The following SHCBP1L variants were observed in gnomAD, a reference collection of about 807,000 sequenced individuals.
SHCBP1L encodes testicular spindle-associated protein SHCBP1L.
Under a neutral mutation model 62.5 loss-of-function variants are expected in SHCBP1L, and 67 were observed. The observed-to-expected ratio is 1.07, with a 90% CI of 0.88 to 1.31. The LOEUF is 1.31. Among genes scored for constraint, SHCBP1L ranks in the 40% most tolerant of loss-of-function variants. The pLI is 0.00. For missense variants in SHCBP1L, 823 were observed against 809.8 expected, an observed-to-expected ratio of 1.02 and a Z score of -0.20; for synonymous variants, 284 against 289.4, an observed-to-expected ratio of 0.98 and a Z score of 0.19.
intron 5 of SHCBP1L, among the ~76,000 whole-genome samples, chr1:182,937,529 G>C (rs1035705566): frequency 6.6e-6 from 1 of 152,104 alleles, no homozygotes; most frequent in African/African-American, 2.4e-5. Flanking sequence ...GGTGTTCTCT[G>C]AGCTTTATGG....
rs527942334 is a variant in SHCBP1L at position 182,926,973 on chromosome 1, G to A, written c.1182+2674C>T. 2.0e-3 allele frequency among the ~76,000 whole-genome samples: 299 copies of A among 148,994 alleles called. 1 individual carries two copies. Among genetic ancestry groups the A allele is most frequent in the African/African-American group, 5.6e-3 (226 of 40,598 alleles). On this transcript the variant is annotated intron_variant, in intron 6 of 9. Transcript: ENST00000367547. ...CTACAGATGGGTTAAATAATTGGTT[G>A]AAAATCACCTAACTAGTAAGTGGCA...
intron 6 of SHCBP1L, among the ~76,000 whole-genome samples, chr1:182,924,935 GAAGAAAGAAAGAAAGA>G (rs71127327): frequency 1.1e-4 from 7 of 62,346 alleles, no homozygotes; most frequent in African/African-American, 5.5e-4. Context: ...AGGAAGGAAG[GAAGAAAGAAAGAAAGA>G]AAGAAAGAAA....
chr1:182,908,538 T>C (rs1383795569), intron 6 of SHCBP1L, among the ~76,000 whole-genome samples: 1 of 152,204 alleles, frequency 6.6e-6, no homozygotes, highest in Non-Finnish European at 1.5e-5. Flanking sequence ...CCTCGGTTGA[T>C]TCCCTGTCTT....
intron 5 of SHCBP1L, among the ~76,000 whole-genome samples, chr1:182,938,495 C>G (rs1024513036): frequency 6.8e-6 from 1 of 147,260 alleles, no homozygotes; most frequent in Non-Finnish European, 1.5e-5. Context: ...GGGTCTCGCT[C>G]TGTTGCCCAG....
rs369915471 is a variant in SHCBP1L at position 182,921,633 on chromosome 1, T to C, written c.1182+8014A>G. ...CAAGAAATCCATCTCAGGCAGGGCG[T>C]GGTGGCTCACACCTATAATCCCAGC... On this transcript the variant is annotated intron_variant, in intron 6 of 9. Coordinates refer to ENST00000367547, the MANE Select transcript of SHCBP1L (RefSeq NM_030933.4). 3.9e-5 allele frequency among the ~76,000 whole-genome samples: 6 copies of C among 152,274 alleles called. No individual in the cohort carries two copies. In the East Asian group the frequency reaches 1.2e-3, roughly 29 times the overall value.
At chr1:182,903,263 A>C in intron 8 of SHCBP1L, 102 bp from the exon 9 acceptor site, 1 of 987,412 alleles carries the variant, frequency 1.0e-6, no homozygotes, top group Non-Finnish European at 1.4e-6. Context: ...ACCACTATAA[A>C]CATTGAGTTA....
At chr1:182,905,465 T>TA (rs761753227) in intron 7 of SHCBP1L, 31 bp downstream of exon 7, 68 of 1,601,506 alleles carry the variant, frequency 4.2e-5, no homozygotes, top group Admixed American at 6.8e-5. Context: ...TACATTGCTG[T>TA]AAAAAAAACT....
intron 7 of SHCBP1L, among the ~76,000 whole-genome samples, chr1:182,905,196 A>T (rs531153806): frequency 7.6e-4 from 116 of 152,344 alleles, no homozygotes; most frequent in Non-Finnish European, 1.4e-3. Context: ...AGCATGTGAT[A>T]TTAGCCTTTT....
At chr1:182,906,344 T>C (rs1650012087) in intron 6 of SHCBP1L, among the ~76,000 whole-genome samples, 1 of 152,210 alleles carries the variant, frequency 6.6e-6, no homozygotes, top group Non-Finnish European at 1.5e-5. Flanking sequence ...CAGTTCAATA[T>C]GACACCAGAT....
intron 6 of SHCBP1L, among the ~76,000 whole-genome samples, chr1:182,925,342 A>T (rs1283231048): frequency 6.6e-6 from 1 of 152,196 alleles, no homozygotes; most frequent in African/African-American, 2.4e-5. Context: ...TAACAAGAAG[A>T]CAAACAACCC....
intron 6 of SHCBP1L, among the ~76,000 whole-genome samples, chr1:182,922,676 C>CA (rs1438514432): frequency 2.6e-5 from 4 of 151,698 alleles, no homozygotes; most frequent in Non-Finnish European, 5.9e-5. Context: ...ACACAGAAAT[C>CA]AAAAAATCAA....
chr1:182,909,357 A>C (rs1205536544), intron 6 of SHCBP1L, among the ~76,000 whole-genome samples: 1 of 152,214 alleles, frequency 6.6e-6, no homozygotes, highest in Non-Finnish European at 1.5e-5. Context: ...AATGGATGAA[A>C]TTAGCTACAA....
intron 5 of SHCBP1L, among the ~76,000 whole-genome samples, chr1:182,931,846 A>G (rs1651007609): frequency 6.6e-6 from 1 of 151,954 alleles, no homozygotes; most frequent in Non-Finnish European, 1.5e-5. Flanking sequence ...CAAATGTATA[A>G]TGACATGTAG....
intron 6 of SHCBP1L, among the ~76,000 whole-genome samples, chr1:182,924,701 G>GAAGAAAGAAAGAAAGAAAGAAAGA (rs199794601): frequency 4.2e-4 from 14 of 33,396 alleles, no homozygotes; most frequent in South Asian, 1.2e-3. Context: ...GAAAGGAAAG[G>GAAGAAAGAAAGAAAGAAAGAAAGA]AAGAAAGAAA....
intron 2 of SHCBP1L, chr1:182,942,039 A>C (rs1477573560): frequency 1.1e-6 from 1 of 870,882 alleles, no homozygotes. Context: ...TAGTTGATAA[A>C]AATATTCCTC....
At chr1:182,942,802 G>C (rs1007438940) in intron 2 of SHCBP1L, among the ~76,000 whole-genome samples, 5 of 152,046 alleles carry the variant, frequency 3.3e-5, no homozygotes, top group African/African-American at 1.2e-4. Flanking sequence ...GTAGAGTTAT[G>C]TCACAAAAAA....
At chr1:182,900,708 C>T (rs978447321) in intron 9 of SHCBP1L, among the ~76,000 whole-genome samples, 5 of 152,098 alleles carry the variant, frequency 3.3e-5, no homozygotes, top group East Asian at 3.9e-4. Flanking sequence ...TGGAATTACA[C>T]GCGTGAGCCA....
chr1:182,924,907 A>AG (rs1557997030), intron 6 of SHCBP1L, among the ~76,000 whole-genome samples: 1,804 of 118,948 alleles, frequency 0.015, 67 homozygotes, highest in African/African-American at 0.06. Context: ...GAGAGAGAGA[A>AG]AGAAAGGAAA....
chr1:182,907,768 G>A lies in SHCBP1L; in HGVS notation c.1183-2119C>T, dbSNP rs187339407. ...TAATTTTTGTATTTTTAGTGGAGAC[G>A]GGGTTTCACCATGTTGGCCAGGCTG... On this transcript the variant is annotated intron_variant, in intron 6 of 9. Coordinates refer to ENST00000367547, the MANE Select transcript of SHCBP1L (RefSeq NM_030933.4). Among the ~76,000 whole-genome samples the A allele has an allele frequency of 9.3e-4, 141 of 151,922 alleles. 1 individual carries two copies. Among genetic ancestry groups the A allele is most frequent in the African/African-American group, 3.0e-3 (123 of 41,456 alleles).
Sources: allele counts gnomAD v4.1 joint callset (sites outside exome capture counted in the v4.1 genomes callset), GRCh38; gene constraint gnomAD v4.1.1; transcripts MANE v1.5; gene names NCBI Gene and HGNC (gene_info 2026-07-23, HGNC 2026-07-21).